MMS22L: variants seen among roughly 807,000 people sequenced by gnomAD.
The protein encoded by MMS22L is MMS22 like, DNA repair protein.
In MMS22L, 74 loss-of-function variants were observed where a neutral mutation model predicts 159.1. The observed-to-expected ratio is 0.47, with a 90% CI of 0.39 to 0.56. MMS22L has a LOEUF of 0.56. Ranked by LOEUF, MMS22L falls within the 20% of genes least tolerant of loss-of-function variation. The pLI is 0.00. For missense variants in MMS22L, 1,351 were observed against 1,422.1 expected (o/e 0.95, Z 0.80); for synonymous variants, 517 against 506.9 (o/e 1.02, Z -0.27).
At chr6:97,155,568 G>A (rs770926138) in intron 22 of MMS22L, among the ~76,000 whole-genome samples, 2 of 152,220 alleles carry the variant, frequency 1.3e-5, no homozygotes, top group Middle Eastern at 3.4e-3. Flanking sequence ...GCGGTGTTTG[G>A]TTTTCTCTTC....
In MMS22L at chr6:97,145,404, G is replaced by T. The variant is rs1031752361; in HGVS notation, c.*1402C>A. On this transcript the variant is annotated 3_prime_UTR_variant, in exon 25 of 25. Transcript: ENST00000683635. ...AAAGATACTCCTTGAGCCAGAGAAG[G>T]GTTGAAATGTTTTCTTGAAGGAAGA... 24 of 152,244 alleles carry T rather than the reference G, an allele frequency of 1.6e-4. No individual in the cohort carries two copies. Among genetic ancestry groups the T allele is most frequent in the African/African-American group, 5.5e-4 (23 of 41,542 alleles). 9.4% of individuals were successfully genotyped at this position (152,244 alleles called of 1,614,324 possible).
At chr6:97,244,603 T>C (rs542884973) in intron 11 of MMS22L, among the ~76,000 whole-genome samples, 8 of 152,204 alleles carry the variant, frequency 5.3e-5, no homozygotes, top group Non-Finnish European at 1.0e-4. Flanking sequence ...TCTCACATCC[T>C]ACATTTTTCT....
In MMS22L at chr6:97,186,505, G is replaced by A. The variant is rs1805242654; in HGVS notation, c.2225C>T (p.Ala742Val). 2 of 1,611,802 alleles carry A rather than the reference G, an allele frequency of 1.2e-6. No individual in the cohort carries two copies. The highest frequency in any genetic ancestry group is 1.7e-6 in the Non-Finnish European group (2 of 1,179,016). Residue 742 changes from alanine to valine, a missense_variant, in exon 15 of 25, where the codon GCA (alanine) becomes GTA (valine). By Grantham distance (64) the Ala-to-Val change is moderately conservative. Coordinates refer to ENST00000683635, the MANE Select transcript of MMS22L (RefSeq NM_001350599.2). ...QVVPFSQLADAAADFTLLAMD... is the reference protein window; with the variant it reads ...QVVPFSQLADVAADFTLLAMD... ...TAATAATTAATGCTGACCTGCAGCT[G>A]CATCCGCAAGTTGTGAGAAAGGCAC...
chr6:97,224,021 T>C (rs1326828742), intron 14 of MMS22L, among the ~76,000 whole-genome samples: 1 of 152,140 alleles, frequency 6.6e-6, no homozygotes. Context: ...TTGTTTTCAA[T>C]CATAGTTGAC....
Position 97,146,749 on chromosome 6 carries a change from G to T in MMS22L, c.*57C>A. ...ATTAATTAAAAGTAGGAATTAGAGT[G>T]GAACAATGTGGCTTTAGATACTGAT... is the stretch of plus-strand genomic sequence containing the variant. On this transcript the variant is annotated 3_prime_UTR_variant, in exon 25 of 25. Transcript: ENST00000683635. 1 of 1,092,938 alleles carries T rather than the reference G, an allele frequency of 9.1e-7. No homozygotes were observed. Among genetic ancestry groups the T allele is most frequent in the Non-Finnish European group, 1.3e-6 (1 of 742,744 alleles). The allele number at this position is 1,092,938 out of a possible 1,614,324, so 67.7% of individuals were successfully genotyped here.
intron 3 of MMS22L, 133 bp downstream of exon 3, chr6:97,281,104 G>T: frequency 1.3e-6 from 1 of 786,522 alleles, no homozygotes; most frequent in Non-Finnish European, 1.9e-6. Context: ...ATTGTTACTG[G>T]TAAGATAATC....
chr6:97,150,101 C>T, intron 23 of MMS22L, 81 bp from the exon 24 acceptor site: 1 of 1,015,188 alleles, frequency 9.9e-7, no homozygotes, highest in Non-Finnish European at 1.4e-6. Context: ...CAACTATGAA[C>T]TGAACATAAC....
chr6:97,244,644 T>C (rs763617783), intron 11 of MMS22L, among the ~76,000 whole-genome samples: 3 of 152,194 alleles, frequency 2.0e-5, no homozygotes, highest in African/African-American at 4.8e-5. Context: ...CTCTCAAACA[T>C]TGGACACCAA....
intron 9 of MMS22L, among the ~76,000 whole-genome samples, chr6:97,256,730 T>A (rs1313372860): frequency 6.6e-6 from 1 of 152,132 alleles, no homozygotes; most frequent in African/African-American, 2.4e-5. Flanking sequence ...GCAGAAGGAC[T>A]GCTTGAGGTC....
At chr6:97,233,373 C>T (rs538592052) in intron 12 of MMS22L, among the ~76,000 whole-genome samples, 1 of 152,198 alleles carries the variant, frequency 6.6e-6, no homozygotes, top group African/African-American at 2.4e-5. Flanking sequence ...AAGCCAAGTT[C>T]AAAAATTATG....
Position 97,179,463 on chromosome 6 carries a change from T to C in MMS22L, c.2481A>G (p.Lys827=). The change falls in exon 17 of 25, where the codon AAA becomes AAG. Residue 827 remains lysine (K), a synonymous_variant. Coordinates refer to ENST00000683635, the MANE Select transcript of MMS22L (RefSeq NM_001350599.2). The part of the protein sequence containing the change: ...WIRCVLQMYI[K]NLSGPDDLLI... ...GCAAATCATCAGGCCCAGAGAGGTT[T>C]TTAATATACATTTGCAAAACACAAC... The C allele has an allele frequency of 1.9e-6, 3 of 1,613,746 alleles. No individual in the cohort carries two copies. Among genetic ancestry groups the C allele is most frequent in the Non-Finnish European group, 2.5e-6 (3 of 1,179,800 alleles).
chr6:97,281,886 A>G (rs1214251701), intron 2 of MMS22L, among the ~76,000 whole-genome samples: 2 of 152,236 alleles, frequency 1.3e-5, no homozygotes, highest in African/African-American at 4.8e-5. Flanking sequence ...CCAAGGCAAA[A>G]TAAGTCTATA....
At chr6:97,200,972 C>T (rs889621294) in intron 14 of MMS22L, among the ~76,000 whole-genome samples, 1 of 151,914 alleles carries the variant, frequency 6.6e-6, no homozygotes, top group Non-Finnish European at 1.5e-5. Flanking sequence ...AGAAATTAAC[C>T]CCTGAAAGTT....
Position 97,231,470 on chromosome 6 carries a change from T to G in MMS22L, c.1485A>C (p.Ala495=), listed in dbSNP as rs142839983. ...LCILAKVVKK[A]MKSNGPHPWK... is the part of the protein sequence containing the mutation. The stretch of plus-strand genomic sequence containing the variant: ...AAGGATGAGGGCCATTGCTCTTCAT[T>G]GCTTTTTTAACAACTTTTGCCAGAA... The change falls in exon 13 of 25, where the codon GCA becomes GCC. Residue 495 remains alanine, a synonymous_variant. Transcript: ENST00000683635. 160 of 1,613,782 alleles carry G rather than the reference T, an allele frequency of 9.9e-5. No individual in the cohort carries two copies. In the African/African-American group the frequency reaches 2.0e-3, roughly 20 times the overall value.
chr6:97,149,258 G>T (rs1801088924), intron 24 of MMS22L, among the ~76,000 whole-genome samples: 1 of 152,016 alleles, frequency 6.6e-6, no homozygotes, highest in South Asian at 2.1e-4. Context: ...ATTCCACTGT[G>T]AGTACTGACT....
At chr6:97,227,076 A>C (rs1247574046) in intron 14 of MMS22L, among the ~76,000 whole-genome samples, 1 of 152,220 alleles carries the variant, frequency 6.6e-6, no homozygotes, top group African/African-American at 2.4e-5. Flanking sequence ...TATATTACAC[A>C]AACAATATAA....
chr6:97,151,188 A>G (rs1472129957), intron 23 of MMS22L, among the ~76,000 whole-genome samples: 43 of 152,210 alleles, frequency 2.8e-4, no homozygotes, highest in Admixed American at 2.8e-3. Flanking sequence ...ACGTAATGAC[A>G]TTTCAGTCAA....
In MMS22L at chr6:97,158,395, T is replaced by C. The variant is rs951322286; in HGVS notation, c.3385+3607A>G. On this transcript the variant is annotated intron_variant, in intron 22 of 24. Transcript: ENST00000683635. ...CTCTTGCTTCTCTAGTTATTTTAAT[T>C]GTGATGTTAGGGTGTCAATTTTAGA... Among the ~76,000 whole-genome samples, 19 of 152,212 alleles carry C rather than the reference T, an allele frequency of 1.2e-4. 1 individual carries two copies. The highest frequency in any genetic ancestry group is 1.1e-3 in the Admixed American group (17 of 15,268).
rs190615704 is a variant in MMS22L, at chr6:97,229,852, C to T, written c.1530-449G>A. 4.6e-5 allele frequency among the ~76,000 whole-genome samples: 7 copies of T among 152,282 alleles called. No homozygotes were observed. The East Asian group carries it at 1.3e-3, about 29-fold the overall frequency. ...TTTTCTCCCTGCACCCCCTCACGAACACTTGCTCTTATTTTACTTATACCT... is the reference window on the plus strand; with the variant it reads ...TTTTCTCCCTGCACCCCCTCACGAATACTTGCTCTTATTTTACTTATACCT... On this transcript the variant is annotated intron_variant, in intron 13 of 24. Coordinates refer to ENST00000683635, the MANE Select transcript of MMS22L (RefSeq NM_001350599.2).
Sources: gnomAD v4.1 joint callset for allele counts (sites outside exome capture counted in the v4.1 genomes callset) on GRCh38, gnomAD v4.1.1 for gene constraint, MANE v1.5 for transcripts, NCBI Gene and HGNC (gene_info 2026-07-23, HGNC 2026-07-21) for gene names.